The following KIAA0825 variants were observed in gnomAD, a reference collection of about 807,000 sequenced individuals.
KIAA0825 encodes the protein KIAA0825, also known as uncharacterized protein KIAA0825.
A neutral mutation model predicts 147.6 loss-of-function variants in KIAA0825; 119 were observed. The ratio of observed to expected loss-of-function variants is 0.81; its 90% CI spans 0.69 to 0.94. The LOEUF (loss-of-function observed/expected upper bound fraction) is 0.94. Among genes scored for constraint, KIAA0825 ranks in the 40% least tolerant of loss-of-function variants. The pLI is 0.00. For synonymous variants in KIAA0825, 470 were observed against 518.1 expected, an observed-to-expected ratio of 0.91 and a Z score of 1.26; for missense variants, 1,381 against 1,472.7, an observed-to-expected ratio of 0.94 and a Z score of 1.02.
intron 16 of KIAA0825, 31 bp from the exon 17 acceptor site, chr5:94,396,540 A>G (rs1337487520): frequency 4.1e-6 from 6 of 1,454,612 alleles, no homozygotes. Context: ...TATGATTAAT[A>G]TTAGCATTTG....
intron 20 of KIAA0825, among the ~76,000 whole-genome samples, chr5:94,160,772 G>A (rs979041312): frequency 2.6e-5 from 4 of 151,610 alleles, no homozygotes; most frequent in Non-Finnish European, 4.4e-5. Context: ...ATAACACAGA[G>A]TCCAAACAGT....
intron 20 of KIAA0825, among the ~76,000 whole-genome samples, chr5:94,189,473 CAT>C (rs1273793439): frequency 1.2e-4 from 18 of 152,072 alleles, no homozygotes; most frequent in African/African-American, 3.9e-4. Flanking sequence ...GATAAAAGCT[CAT>C]ATGTTTCCTT....
At chr5:94,573,529 C>A (rs1584934032) in intron 2 of KIAA0825, among the ~76,000 whole-genome samples, 1 of 152,188 alleles carries the variant, frequency 6.6e-6, no homozygotes, top group Non-Finnish European at 1.5e-5. Context: ...GCGGAGGCCT[C>A]ACAAAGTGCT....
chr5:94,593,851 G>T, intron 1 of KIAA0825: 1 of 354,586 alleles, frequency 2.8e-6, no homozygotes, highest in South Asian at 2.4e-5. Context: ...TACCAACTGA[G>T]ATGTCCATTC....
intron 20 of KIAA0825, among the ~76,000 whole-genome samples, chr5:94,219,906 A>G (rs1773535197): frequency 6.6e-6 from 1 of 151,882 alleles, no homozygotes; most frequent in Admixed American, 6.6e-5. Context: ...ACTTATAAAC[A>G]CTCCACACTT....
chr5:94,344,567 G>A (rs758904606), intron 20 of KIAA0825, among the ~76,000 whole-genome samples: 1 of 152,096 alleles, frequency 6.6e-6, no homozygotes, highest in African/African-American at 2.4e-5. Flanking sequence ...TAACCCAAAC[G>A]ACTGAGAGCA....
chr5:94,353,598 A>C (rs979642857), intron 20 of KIAA0825, among the ~76,000 whole-genome samples: 1 of 152,246 alleles, frequency 6.6e-6, no homozygotes, highest in Admixed American at 6.5e-5. Context: ...AATGGCCATT[A>C]GATTCACTTC....
intron 20 of KIAA0825, among the ~76,000 whole-genome samples, chr5:94,365,815 A>T (rs1229963182): frequency 1.3e-5 from 2 of 152,240 alleles, no homozygotes; most frequent in Non-Finnish European, 2.9e-5. Context: ...TAGCTAGAAG[A>T]TGAGAAATTA....
chr5:94,584,004 G>T (rs1561352973), intron 1 of KIAA0825, among the ~76,000 whole-genome samples: 1 of 152,114 alleles, frequency 6.6e-6, no homozygotes, highest in Non-Finnish European at 1.5e-5. Flanking sequence ...TCAACAAAAA[G>T]GACATCCACA....
At chr5:94,391,837 C>A (rs1176888225) in intron 17 of KIAA0825, 143 bp from the exon 18 acceptor site, 8 of 672,280 alleles carry the variant, frequency 1.2e-5, no homozygotes, top group South Asian at 4.8e-5. Flanking sequence ...GTAAGCCTTC[C>A]CAAACCGCTG....
chr5:94,180,771 C>A (rs1769540008), intron 20 of KIAA0825, among the ~76,000 whole-genome samples: 1 of 152,096 alleles, frequency 6.6e-6, no homozygotes, highest in African/African-American at 2.4e-5. Context: ...CTAAGTCTTA[C>A]ATACTTTTTT....
At chr5:94,401,983 AAAG>A (rs1751439203) in intron 16 of KIAA0825, among the ~76,000 whole-genome samples, 1 of 152,212 alleles carries the variant, frequency 6.6e-6, no homozygotes, top group African/African-American at 2.4e-5. Flanking sequence ...AGAGGGCAGT[AAAG>A]AAGAACAATG....
intron 18 of KIAA0825, 151 bp downstream of exon 18, chr5:94,391,384 G>A (rs775476902): frequency 2.6e-5 from 18 of 705,874 alleles, no homozygotes; most frequent in Non-Finnish European, 4.2e-5. Flanking sequence ...AGAACAGCCG[G>A]GGCTGAATAG....
At chr5:94,411,358 T>C (rs1458222504) in intron 15 of KIAA0825, among the ~76,000 whole-genome samples, 1 of 152,104 alleles carries the variant, frequency 6.6e-6, no homozygotes, top group African/African-American at 2.4e-5. Context: ...AGTATCAAAA[T>C]AGAGAGTCCA....
At chr5:94,439,915 A>G (rs1344108289) in intron 14 of KIAA0825, 67 bp downstream of exon 14, 2 of 1,472,406 alleles carry the variant, frequency 1.4e-6, no homozygotes, top group Non-Finnish European at 1.8e-6. Context: ...GCCTAGGAAA[A>G]AAATGTTATT....
At chr5:94,350,446 C>T (rs1295842490) in intron 20 of KIAA0825, among the ~76,000 whole-genome samples, 2 of 152,118 alleles carry the variant, frequency 1.3e-5, no homozygotes, top group Admixed American at 6.5e-5. Context: ...CAGCATCACC[C>T]TAATACTGAA....
chr5:94,163,980 A>G (rs1767800924), intron 20 of KIAA0825, among the ~76,000 whole-genome samples: 1 of 152,198 alleles, frequency 6.6e-6, no homozygotes, highest in Non-Finnish European at 1.5e-5. Flanking sequence ...TTTAGCATGT[A>G]TAGCTTATGT....
chr5:94,313,493 A>C (rs1331387713), intron 20 of KIAA0825, among the ~76,000 whole-genome samples: 1 of 151,670 alleles, frequency 6.6e-6, no homozygotes, highest in African/African-American at 2.4e-5. Context: ...CTCCTTTTGT[A>C]ATTTTATACA....
intron 5 of KIAA0825, among the ~76,000 whole-genome samples, chr5:94,510,346 A>AT (rs1206996496): frequency 6.6e-6 from 1 of 152,216 alleles, no homozygotes; most frequent in Non-Finnish European, 1.5e-5. Context: ...ACTTGCACTT[A>AT]CCTGCTAACT....
Sources: allele counts gnomAD v4.1 joint callset (sites outside exome capture counted in the v4.1 genomes callset), GRCh38; gene constraint gnomAD v4.1.1; transcripts MANE v1.5; gene names NCBI Gene and HGNC (gene_info 2026-07-23, HGNC 2026-07-21).